SLC36A1: variants seen among roughly 807,000 people sequenced by gnomAD.
SLC36A1 encodes the protein solute carrier family 36 member 1, also known as proton-coupled amino acid transporter 1.
In SLC36A1, 30 loss-of-function variants were observed where a neutral mutation model predicts 47.5. The ratio of observed to expected loss-of-function variants is 0.63; its 90% CI spans 0.47 to 0.86. The LOEUF (loss-of-function observed/expected upper bound fraction) is 0.86. Among genes scored for constraint, SLC36A1 ranks in the 40% least tolerant of loss-of-function variants. SLC36A1 has a pLI of 0.00. For synonymous variants in SLC36A1, 255 were observed against 249.7 expected (o/e 1.02, Z -0.20); for missense variants, 517 against 606.0 (o/e 0.85, Z 1.54).
the SLC36A1 span, among the ~76,000 whole-genome samples, chr5:151,386,012 T>C: frequency 3.3e-5 from 5 of 151,748 alleles, no homozygotes; most frequent in African/African-American, 1.2e-4. Flanking sequence ...GCTGTGATTA[T>C]AGGCGCCCGC....
At chr5:151,531,513 A>G in the SLC36A1 span, 1 of 1,583,170 alleles carries the variant, frequency 6.3e-7, no homozygotes, top group Non-Finnish European at 8.6e-7. The surrounding 1 kb of genome is among the most constrained non-coding windows in gnomAD (Gnocchi z 5.7). Context: ...GTAGATACCC[A>G]CACAGGGGAG....
At chr5:151,373,970 G>C in the SLC36A1 span, among the ~76,000 whole-genome samples, 1 of 152,262 alleles carries the variant, frequency 6.6e-6, no homozygotes, top group African/African-American at 2.4e-5. Flanking sequence ...TATGGCCTAT[G>C]GGCTGGTGTG....
At chr5:151,350,083 C>A in the SLC36A1 span, among the ~76,000 whole-genome samples, 9 of 152,164 alleles carry the variant, frequency 5.9e-5, no homozygotes, top group Middle Eastern at 3.4e-3. Flanking sequence ...CAAAATGAAA[C>A]CCCTACCTGG....
chr5:151,464,478 T>C, intron 3 of SLC36A1, 36 bp from the exon 4 acceptor site: 1 of 1,567,758 alleles, frequency 6.4e-7, no homozygotes, highest in Non-Finnish European at 8.8e-7. Flanking sequence ...CTACCTACTT[T>C]TCTCTCTCTC....
the SLC36A1 span, among the ~76,000 whole-genome samples, chr5:151,371,044 T>A: frequency 6.6e-6 from 1 of 152,058 alleles, no homozygotes; most frequent in Non-Finnish European, 1.5e-5. Context: ...ATTCTGTGCA[T>A]TGTAGAACGT....
At chr5:151,397,511 G>T in the SLC36A1 span, among the ~76,000 whole-genome samples, 26 of 152,292 alleles carry the variant, frequency 1.7e-4, no homozygotes, top group African/African-American at 6.0e-4. Flanking sequence ...AGTGGGTAGG[G>T]CGCAGTGGCT....
At chr5:151,415,775 C>A in the SLC36A1 span, among the ~76,000 whole-genome samples, 25,513 of 152,028 alleles carry the variant, frequency 0.17, 2,384 homozygotes, top group East Asian at 0.38. Context: ...GTGAATGAGG[C>A]CCCGTTTCTC....
the SLC36A1 span, among the ~76,000 whole-genome samples, chr5:151,514,174 G>A: frequency 6.6e-6 from 1 of 152,108 alleles, no homozygotes; most frequent in Non-Finnish European, 1.5e-5. Flanking sequence ...TACTTAAAAA[G>A]GAGACACTAT....
At position 151,476,684 on chromosome 5, in the gene SLC36A1, TG is replaced by T. The variant is rs1441005872; in HGVS notation, c.921del (p.Cys308ValfsTer15). On this transcript the variant is annotated frameshift_variant, in exon 9 of 11. Coordinates refer to ENST00000243389, the MANE Select transcript of SLC36A1 (RefSeq NM_078483.4). LOFTEE classifies it high-confidence loss of function. The part of the protein sequence containing the change: ...MVIVTILYIS[L>X]GCLGYLQFGA... ...ATCGTCACCATCCTCTACATCAGCCTGGGGTGTCTGGGGTACCTGCAATTTG... is the reference window on the plus strand; with the variant it reads ...ATCGTCACCATCCTCTACATCAGCCTGGGTGTCTGGGGTACCTGCAATTTG... 6.2e-7 allele frequency: 1 copy of T among 1,613,624 alleles called. No individual in the cohort carries two copies. Among genetic ancestry groups the T allele is most frequent in the Non-Finnish European group, 8.5e-7 (1 of 1,179,792 alleles).
At chr5:151,506,233 C>A in the SLC36A1 span, 1 of 879,212 alleles carries the variant, frequency 1.1e-6, no homozygotes, top group Non-Finnish European at 1.6e-6. Flanking sequence ...TGCAGGTTGT[C>A]TCTGTTGGCT....
At chr5:151,450,884 A>G (rs999409850) in intron 1 of SLC36A1, 1 of 152,090 alleles carries the variant, frequency 6.6e-6, no homozygotes, top group African/African-American at 2.4e-5. Context: ...TCTTTTTCCC[A>G]TAGAGGAACT....
the SLC36A1 span, chr5:151,406,550 T>G: frequency 1.3e-5 from 2 of 152,130 alleles, no homozygotes; most frequent in Non-Finnish European, 2.9e-5. Context: ...ACTGCTGGCG[T>G]CTGGGATTTC....
chr5:151,366,055 T>C, the SLC36A1 span, among the ~76,000 whole-genome samples: 1 of 152,198 alleles, frequency 6.6e-6, no homozygotes, highest in East Asian at 1.9e-4. Flanking sequence ...CACCAACATT[T>C]GTAGAGCACC....
At chr5:151,518,033 T>G in the SLC36A1 span, among the ~76,000 whole-genome samples, 3 of 151,958 alleles carry the variant, frequency 2.0e-5, no homozygotes, top group African/African-American at 7.3e-5. Context: ...TTTAAACCAT[T>G]AAGAAAGCAA....
the SLC36A1 span, chr5:151,381,105 C>G: frequency 2.0e-6 from 1 of 500,246 alleles, no homozygotes; most frequent in South Asian, 1.8e-5. Context: ...ACCACCTCTG[C>G]CATCCTCCAG....
intron 1 of SLC36A1, among the ~76,000 whole-genome samples, chr5:151,449,847 T>C (rs1753359531): frequency 6.6e-6 from 1 of 152,238 alleles, no homozygotes; most frequent in Admixed American, 6.5e-5. Flanking sequence ...TAGACAAAAT[T>C]TTAAGTTTTC....
chr5:151,431,958 C>G, the SLC36A1 span, among the ~76,000 whole-genome samples: 1 of 152,148 alleles, frequency 6.6e-6, no homozygotes, highest in African/African-American at 2.4e-5. Flanking sequence ...CCCTCCTTGC[C>G]CAGAGTGGCA....
chr5:151,472,384 G>A (rs1757433751), intron 7 of SLC36A1, among the ~76,000 whole-genome samples: 1 of 152,248 alleles, frequency 6.6e-6, no homozygotes, highest in African/African-American at 2.4e-5. Context: ...GATTAAGGGT[G>A]GGTCTGCCTT....
At chr5:151,379,397 G>A in the SLC36A1 span, among the ~76,000 whole-genome samples, 2 of 152,182 alleles carry the variant, frequency 1.3e-5, no homozygotes, top group African/African-American at 2.4e-5. Context: ...GCAATGGCAC[G>A]ATCTTGGCTC....
Sources: gnomAD v4.1 joint callset for allele counts (sites outside exome capture counted in the v4.1 genomes callset) on GRCh38, gnomAD v4.1.1 for gene constraint, Gnocchi (gnomAD v3.1) non-coding constraint, MANE v1.5 for transcripts, NCBI Gene and HGNC (gene_info 2026-07-23, HGNC 2026-07-21) for gene names.